The following FOXP1 variants were observed in gnomAD, a reference collection of about 807,000 sequenced individuals.
The protein encoded by FOXP1 is forkhead box protein P1.
FOXP1 carries 15 observed loss-of-function variants against 98.2 expected under a neutral mutation model. The observed-to-expected ratio is 0.15, with a 90% confidence interval of 0.10 to 0.24. The LOEUF (loss-of-function observed/expected upper bound fraction) is 0.24, where lower values mean the gene tolerates loss of function less well. FOXP1 is among the 10% of genes least tolerant of loss of function. The probability of loss-of-function intolerance (pLI) is 1.00; values close to 1 mark genes in which losing one functional copy is unlikely to be tolerated. For synonymous variants in FOXP1, 371 were observed against 314.5 expected, an observed-to-expected ratio of 1.18 and a Z score of -1.90; for missense variants, 633 against 848.5, an observed-to-expected ratio of 0.75 and a Z score of 3.15.
chr3:71,054,587 C>G (rs77657337), intron 7 of FOXP1, among the ~76,000 whole-genome samples: 2 of 152,172 alleles, frequency 1.3e-5, no homozygotes, highest in Non-Finnish European at 2.9e-5. Flanking sequence ...CAAGCGGATA[C>G]CTAATGACAA....
chr3:71,579,097 C>T (rs973731442), intron 2 of FOXP1, among the ~76,000 whole-genome samples: 2 of 152,060 alleles, frequency 1.3e-5, no homozygotes, highest in African/African-American at 4.8e-5. Context: ...TACTATGTGA[C>T]CGACACTTGT....
chr3:70,998,457 C>T (rs2041682692), intron 13 of FOXP1, among the ~76,000 whole-genome samples: 1 of 152,190 alleles, frequency 6.6e-6, no homozygotes, highest in African/African-American at 2.4e-5. Context: ...CTAACCCCTG[C>T]TCTCAACGAG....
chr3:71,095,931 T>G (rs962930193), intron 7 of FOXP1, among the ~76,000 whole-genome samples: 1 of 152,224 alleles, frequency 6.6e-6, no homozygotes, highest in Non-Finnish European at 1.5e-5. Flanking sequence ...ATATACCAAA[T>G]GGACCACCCA....
chr3:70,991,374 G>T (rs545721602), intron 13 of FOXP1, among the ~76,000 whole-genome samples: 2 of 152,180 alleles, frequency 1.3e-5, no homozygotes, highest in African/African-American at 4.8e-5. Flanking sequence ...AGACAGTCTG[G>T]GCTGTGAAAG....
intron 6 of FOXP1, among the ~76,000 whole-genome samples, chr3:71,149,103 C>CA (rs2060454527): frequency 6.6e-6 from 1 of 152,134 alleles, no homozygotes; most frequent in Non-Finnish European, 1.5e-5. Context: ...GCGCTGAAGA[C>CA]AAAGTAGAAG....
rs138264933 is a variant in FOXP1, at chr3:71,083,694, A to AAACAG, written c.282+28837_282+28841dup. 8.8e-3 allele frequency among the ~76,000 whole-genome samples: 1,343 copies of AAACAG among 152,308 alleles called. 7 individuals are homozygous for AAACAG. The highest frequency in any genetic ancestry group is 0.014 in the Non-Finnish European group (961 of 68,028). ...ACAAAGAACGGAGCCAATAGGAAAG[A>AAACAG]AACAGAACAGAACAGAACAATTGGA... On this transcript the variant is annotated intron_variant, in intron 7 of 20. Coordinates refer to ENST00000649528, the MANE Select transcript of FOXP1 (RefSeq NM_001349338.3).
At chr3:71,388,597 A>G (rs1439812481) in intron 3 of FOXP1, among the ~76,000 whole-genome samples, 2 of 152,238 alleles carry the variant, frequency 1.3e-5, no homozygotes, top group Non-Finnish European at 2.9e-5. Context: ...TATTAAAATG[A>G]AAAATTAAAT....
At chr3:71,400,460 C>A (rs1004313289) in intron 3 of FOXP1, among the ~76,000 whole-genome samples, 3 of 152,018 alleles carry the variant, frequency 2.0e-5, no homozygotes, top group Non-Finnish European at 2.9e-5. Flanking sequence ...TGGGTTCAAT[C>A]GATTCTCGTG....
chr3:70,997,328 G>A (rs965787053), intron 13 of FOXP1, among the ~76,000 whole-genome samples: 1 of 152,164 alleles, frequency 6.6e-6, no homozygotes. Context: ...CTAGACACTG[G>A]TATGTTAAGT....
In FOXP1 at chr3:71,041,453, A is replaced by G. The variant is rs767796298; in HGVS notation, c.744T>C (p.Asn248=). 2 of 1,613,888 alleles carry G rather than the reference A, an allele frequency of 1.2e-6. No individual in the cohort carries two copies. Among genetic ancestry groups the G allele is most frequent in the Non-Finnish European group, 1.7e-6 (2 of 1,179,842 alleles). ...TCGTGGTCAGATCCAAACTGCTGTG[A>G]TTGTTGCCTGTGGTTTCTTCTGCAG... The part of the protein sequence containing the change: ...AHTAEETTGN[N]HSSLDLTTTC... The change falls in exon 11 of 21, where the codon AAT becomes AAC. Residue 248 remains asparagine (N), a synonymous_variant. Coordinates refer to ENST00000649528, the MANE Select transcript of FOXP1 (RefSeq NM_001349338.3).
intron 7 of FOXP1, among the ~76,000 whole-genome samples, chr3:71,110,854 T>C (rs1246629216): frequency 2.0e-5 from 3 of 152,240 alleles, no homozygotes; most frequent in Non-Finnish European, 4.4e-5. Flanking sequence ...GCACCTGACA[T>C]GGGCCCTCAA....
At chr3:71,084,279 A>G (rs2054775254) in intron 7 of FOXP1, among the ~76,000 whole-genome samples, 1 of 152,204 alleles carries the variant, frequency 6.6e-6, no homozygotes, top group Non-Finnish European at 1.5e-5. Flanking sequence ...ATCCCCTCAA[A>G]GTCTTATGAT....
chr3:71,035,982 A>C (rs942131741), intron 11 of FOXP1, among the ~76,000 whole-genome samples: 3 of 152,236 alleles, frequency 2.0e-5, no homozygotes, highest in African/African-American at 7.2e-5. Flanking sequence ...TAGTTTAAAA[A>C]AGAAAAAAAA....
chr3:71,190,801 G>A lies in FOXP1; in HGVS notation c.180+7401C>T, dbSNP rs2062933351. Among the ~76,000 whole-genome samples the A allele has an allele frequency of 2.0e-5, 3 of 152,104 alleles. No homozygotes were observed. In the South Asian group the frequency reaches 6.2e-4, roughly 32 times the overall value. The stretch of plus-strand genomic sequence containing the variant: ...AACTCTTCATGACATTTTCTTGTCG[G>A]CAGGGGAGGGGAGATAATGTGGCTC... On this transcript the variant is annotated intron_variant, in intron 6 of 20. Transcript: ENST00000649528.
intron 5 of FOXP1, among the ~76,000 whole-genome samples, chr3:71,266,510 C>T (rs147804440): frequency 0.019 from 2,861 of 152,302 alleles, 103 homozygotes; most frequent in African/African-American, 0.064. Context: ...CCTCAGCTTC[C>T]CAAAGTGCTG....
chr3:71,212,840 A>T (rs1247303560), intron 5 of FOXP1, among the ~76,000 whole-genome samples: 2 of 152,166 alleles, frequency 1.3e-5, no homozygotes, highest in East Asian at 3.8e-4. Flanking sequence ...TATAATTTAA[A>T]GACATGGTGT....
intron 11 of FOXP1, among the ~76,000 whole-genome samples, chr3:71,032,401 TC>T (rs2106689954): frequency 6.6e-6 from 1 of 152,340 alleles, no homozygotes; most frequent in East Asian, 1.9e-4. Context: ...CGAAATAGTT[TC>T]CCAAAGGAAC....
chr3:71,562,036 C>T (rs754088357), intron 2 of FOXP1, among the ~76,000 whole-genome samples: 9 of 152,164 alleles, frequency 5.9e-5, no homozygotes, highest in Admixed American at 1.3e-4. Flanking sequence ...AAGGGCCAAG[C>T]ATGGAGGCCT....
chr3:71,378,281 C>T (rs2079878581), intron 3 of FOXP1, among the ~76,000 whole-genome samples: 1 of 152,048 alleles, frequency 6.6e-6, no homozygotes, highest in Non-Finnish European at 1.5e-5. Context: ...AAAGAAGGTA[C>T]CGCTGGGGAG....
Sources: allele counts gnomAD v4.1 joint callset (sites outside exome capture counted in the v4.1 genomes callset), GRCh38; gene constraint gnomAD v4.1.1; transcripts MANE v1.5; gene names NCBI Gene and HGNC (gene_info 2026-07-23, HGNC 2026-07-21).